The following PPIL6 variants were observed in gnomAD, a reference collection of about 807,000 sequenced individuals.
PPIL6 encodes the protein probable inactive peptidyl-prolyl cis-trans isomerase-like 6.
PPIL6 carries 39 observed loss-of-function variants against 36.8 expected under a neutral mutation model. The observed-to-expected ratio is 1.06, with a 90% confidence interval of 0.82 to 1.38. The LOEUF (loss-of-function observed/expected upper bound fraction) is 1.38. Ranked by LOEUF, PPIL6 falls within the 40% of genes most tolerant of loss-of-function variation. PPIL6 has a pLI of 0.00. For synonymous variants in PPIL6, 123 were observed against 134.1 expected (o/e 0.92, Z 0.57); for missense variants, 368 against 379.1 (o/e 0.97, Z 0.24).
chr6:109,431,362 C>CAA lies in PPIL6; in HGVS notation c.232-19_232-18dup, dbSNP rs58424410. ...TTTGAGTTCCTGTAAGGGAAAAGGA[C>CAA]AAAAAAAAAAAAAAACGTAAGAAGT... On this transcript the variant is annotated splice_polypyrimidine_tract_variant and intron_variant, in intron 2 of 7. Transcript: ENST00000521072. 0.062 allele frequency: 65,600 copies of CAA among 1,055,570 alleles called. 1,099 individuals carry two copies. The highest frequency in any genetic ancestry group is 0.23 in the African/African-American group (11,852 of 52,166). The allele number at this position is 1,055,570 out of a possible 1,614,324, so 65.4% of individuals were successfully genotyped here.
rs1339115249 is a variant in PPIL6 at position 109,391,433 on chromosome 6, A to T, written c.*1393T>A. The T allele has an allele frequency of 1.3e-5, 2 of 151,840 alleles. No individual in the cohort carries two copies. The highest frequency in any genetic ancestry group is 2.9e-5 in the Non-Finnish European group (2 of 68,026). 9.4% of individuals were successfully genotyped at this position (151,840 alleles called of 1,614,324 possible). The stretch of plus-strand genomic sequence containing the variant: ...CTGCTGACTACATTACACCATGGGG[A>T]CTGGAACCAGTTCCTTATGTCTTGC... On this transcript the variant is annotated 3_prime_UTR_variant, in exon 8 of 8. Transcript: ENST00000521072.
chr6:109,411,274 C>T (rs1480092184), intron 6 of PPIL6, among the ~76,000 whole-genome samples: 1 of 152,160 alleles, frequency 6.6e-6, no homozygotes, highest in African/African-American at 2.4e-5. Flanking sequence ...CTACCATGAG[C>T]CAACTCTAAT....
intron 5 of PPIL6, among the ~76,000 whole-genome samples, chr6:109,423,972 G>T (rs1407624111): frequency 6.6e-6 from 1 of 152,124 alleles, no homozygotes; most frequent in Non-Finnish European, 1.5e-5. Flanking sequence ...GAATAAAATA[G>T]ATAAAAATTT....
chr6:109,421,700 C>G (rs1469232281), intron 5 of PPIL6, among the ~76,000 whole-genome samples: 1 of 152,090 alleles, frequency 6.6e-6, no homozygotes, highest in African/African-American at 2.4e-5. Context: ...TGTTCTAGTT[C>G]TATTTGATAA....
intron 2 of PPIL6, 88 bp downstream of exon 2, chr6:109,436,014 ACT>A: frequency 2.6e-6 from 2 of 767,284 alleles, no homozygotes; most frequent in East Asian, 2.4e-5. Context: ...CACTAAAATT[ACT>A]CTTTCAGTTT....
rs181287650 is a variant in PPIL6, at chr6:109,424,764, C to T, written c.631+2083G>A. Among the ~76,000 whole-genome samples the T allele has an allele frequency of 3.7e-4, 56 of 152,322 alleles. 1 individual carries two copies. Among genetic ancestry groups the T allele is most frequent in the African/African-American group, 1.3e-3 (55 of 41,566 alleles). ...TGAGAGTGACCTCTGGTGGTCCTCA[C>T]TGCTATACTCCCATTAGCGCCATGA... On this transcript the variant is annotated intron_variant, in intron 5 of 7. Transcript: ENST00000521072.
In PPIL6 at chr6:109,433,359, G is replaced by C. The variant is rs554212230; in HGVS notation, c.232-2014C>G. 2.6e-5 allele frequency among the ~76,000 whole-genome samples: 4 copies of C among 152,278 alleles called. No homozygotes were observed. In the South Asian group the frequency reaches 8.3e-4, roughly 32 times the overall value. ...GGCGTGAGCCACCACACCCTGCCAG[G>C]ACCCAGAACTTTCTAAACGGGAGAA... On this transcript the variant is annotated intron_variant, in intron 2 of 7. Coordinates refer to ENST00000521072, the MANE Select transcript of PPIL6 (RefSeq NM_173672.5).
intron 6 of PPIL6, 76 bp from the exon 7 acceptor site, chr6:109,400,246 T>C (rs1282391204): frequency 2.5e-6 from 3 of 1,222,098 alleles, no homozygotes; most frequent in Non-Finnish European, 2.3e-6. Flanking sequence ...AAGGAACAAA[T>C]AGAACCCTTG....
intron 5 of PPIL6, among the ~76,000 whole-genome samples, chr6:109,426,418 T>C (rs1773818013): frequency 6.6e-6 from 1 of 152,202 alleles, no homozygotes; most frequent in Non-Finnish European, 1.5e-5. Context: ...CTTTAGACAT[T>C]TCTTTTTACT....
intron 1 of PPIL6, among the ~76,000 whole-genome samples, chr6:109,438,207 TC>T (rs1417089771): frequency 6.6e-6 from 1 of 152,078 alleles, no homozygotes; most frequent in Admixed American, 6.5e-5. Flanking sequence ...CAAATCTAAA[TC>T]TTTGTCAGTT....
At chr6:109,439,526 T>C (rs1317322076) in intron 1 of PPIL6, among the ~76,000 whole-genome samples, 2 of 152,152 alleles carry the variant, frequency 1.3e-5, no homozygotes, top group East Asian at 3.8e-4. Context: ...CGGCTAATTT[T>C]TTGTATTTTT....
chr6:109,407,032 C>T (rs1322804661), intron 6 of PPIL6, among the ~76,000 whole-genome samples: 2 of 152,172 alleles, frequency 1.3e-5, no homozygotes, highest in Admixed American at 1.3e-4. Flanking sequence ...AGATTTCCCC[C>T]GTGAGATCTG....
chr6:109,419,776 A>T (rs1773447871), intron 5 of PPIL6, among the ~76,000 whole-genome samples: 1 of 152,170 alleles, frequency 6.6e-6, no homozygotes, highest in African/African-American at 2.4e-5. Flanking sequence ...AATGAATAGA[A>T]TAAGTTACCT....
At chr6:109,409,247 T>G (rs1772916107) in intron 6 of PPIL6, among the ~76,000 whole-genome samples, 1 of 151,786 alleles carries the variant, frequency 6.6e-6, no homozygotes, top group Admixed American at 6.6e-5. Flanking sequence ...GAGAAAGAAA[T>G]AAAGGGGGTC....
At chr6:109,399,328 G>A (rs989224487) in intron 7 of PPIL6, among the ~76,000 whole-genome samples, 1 of 151,710 alleles carries the variant, frequency 6.6e-6, no homozygotes, top group African/African-American at 2.4e-5. Context: ...AGGCTGGTCT[G>A]GAACTTCTGC....
At chr6:109,439,369 T>TATTTTGAG (rs1375275669) in intron 1 of PPIL6, among the ~76,000 whole-genome samples, 8 of 152,192 alleles carry the variant, frequency 5.3e-5, no homozygotes, top group Non-Finnish European at 1.0e-4. Flanking sequence ...ATTATTTATT[T>TATTTTGAG]ATTTTGAGAC....
chr6:109,393,542 A>G (rs1339162563), intron 7 of PPIL6, among the ~76,000 whole-genome samples: 2 of 152,096 alleles, frequency 1.3e-5, no homozygotes, highest in Non-Finnish European at 2.9e-5. Context: ...GTCTTTTAGA[A>G]ATAGCAATCT....
chr6:109,441,082 G>T (rs1774848715), upstream of PPIL6: 1 of 1,611,838 alleles, frequency 6.2e-7, no homozygotes, highest in African/African-American at 1.3e-5. Context: ...GCCGTCGCTG[G>T]AGAGTTCGAG....
At chr6:109,409,552 G>A (rs892822282) in intron 6 of PPIL6, among the ~76,000 whole-genome samples, 2 of 151,132 alleles carry the variant, frequency 1.3e-5, no homozygotes, top group Non-Finnish European at 2.9e-5. Context: ...CGACAGTGTC[G>A]TGAGACTCCA....
Sources: gnomAD v4.1 joint callset for allele counts (sites outside exome capture counted in the v4.1 genomes callset) on GRCh38, gnomAD v4.1.1 for gene constraint, MANE v1.5 for transcripts, NCBI Gene and HGNC (gene_info 2026-07-23, HGNC 2026-07-21) for gene names.